Variants in FBXO28 observed in about 807,000 individuals in gnomAD.
FBXO28 encodes F-box protein 28, also known as F-box only protein 28.
In FBXO28, 8 loss-of-function variants were observed where a neutral mutation model predicts 38.1. That is an observed-to-expected ratio of 0.21 (90% confidence interval 0.12 to 0.38). The LOEUF (loss-of-function observed/expected upper bound fraction) is 0.38. Among genes scored for constraint, FBXO28 ranks in the 10% least tolerant of loss-of-function variants. The pLI is 1.00. For synonymous variants in FBXO28, 168 were observed against 173.8 expected (o/e 0.97, Z 0.26); for missense variants, 345 against 460.6 (o/e 0.75, Z 2.30).
At chr1:224,133,502 A>T (rs1474498980) in intron 2 of FBXO28, among the ~76,000 whole-genome samples, 1 of 152,124 alleles carries the variant, frequency 6.6e-6, no homozygotes, top group Non-Finnish European at 1.5e-5. Flanking sequence ...TAGATTTGAT[A>T]GCCAAAAAAC....
intron 3 of FBXO28, 169 bp downstream of exon 3, chr1:224,134,381 T>C: frequency 1.9e-6 from 1 of 525,906 alleles, no homozygotes; most frequent in Non-Finnish European, 3.2e-6. Flanking sequence ...ATTTGTATGA[T>C]CTTTATATTT....
chr1:224,150,845 C>T (rs1657625328), intron 3 of FBXO28, among the ~76,000 whole-genome samples: 1 of 152,222 alleles, frequency 6.6e-6, no homozygotes, highest in Non-Finnish European at 1.5e-5. Flanking sequence ...TGTGGCACTC[C>T]TTTAAATTAT....
chr1:224,155,993 G>T (rs1162206183), intron 4 of FBXO28, among the ~76,000 whole-genome samples: 2 of 152,206 alleles, frequency 1.3e-5, no homozygotes, highest in Non-Finnish European at 2.9e-5. Context: ...GTGTTGGCTG[G>T]TCTGATGGAA....
intron 3 of FBXO28, among the ~76,000 whole-genome samples, chr1:224,135,802 C>T (rs1013013727): frequency 3.3e-5 from 5 of 151,870 alleles, no homozygotes; most frequent in African/African-American, 1.2e-4. Flanking sequence ...TTTGGGAGGC[C>T]GAGACGGGCA....
intron 4 of FBXO28, 46 bp downstream of exon 4, chr1:224,153,383 C>T: frequency 2.1e-6 from 3 of 1,439,890 alleles, no homozygotes; most frequent in Non-Finnish European, 2.8e-6. Context: ...TTGTAACTTG[C>T]TTCCGGTTTT....
At chr1:224,151,451 A>G in intron 3 of FBXO28, among the ~76,000 whole-genome samples, 1 of 152,228 alleles carries the variant, frequency 6.6e-6, no homozygotes, top group East Asian at 1.9e-4. Flanking sequence ...TCCATTAACA[A>G]TGATCATCAT....
intron 4 of FBXO28, among the ~76,000 whole-genome samples, chr1:224,155,290 T>C (rs559438001): frequency 1.6e-4 from 25 of 152,130 alleles, no homozygotes; most frequent in African/African-American, 5.8e-4. Flanking sequence ...CTCAGCCTCC[T>C]GAGTAGCTGG....
At chr1:224,140,792 A>G (rs1191500801) in intron 3 of FBXO28, among the ~76,000 whole-genome samples, 2 of 152,024 alleles carry the variant, frequency 1.3e-5, no homozygotes, top group Non-Finnish European at 2.9e-5. Flanking sequence ...TAAAAATACA[A>G]AAAATTAGCC....
chr1:224,154,585 G>T (rs1002477095), intron 4 of FBXO28, among the ~76,000 whole-genome samples: 1 of 151,990 alleles, frequency 6.6e-6, no homozygotes, highest in Non-Finnish European at 1.5e-5. Flanking sequence ...AAGGCGGGCG[G>T]ATCACGAGGT....
chr1:224,152,147 A>G (rs956572103), intron 3 of FBXO28, among the ~76,000 whole-genome samples: 2 of 152,206 alleles, frequency 1.3e-5, no homozygotes, highest in African/African-American at 2.4e-5. Flanking sequence ...TGCCTAAGGA[A>G]GGTTCACTTA....
intron 4 of FBXO28, 96 bp downstream of exon 4, chr1:224,153,433 A>G (rs913648227): frequency 4.7e-6 from 4 of 845,748 alleles, no homozygotes; most frequent in Non-Finnish European, 7.2e-6. Context: ...CTGTGTTAGT[A>G]GTTGTTTATT....
chr1:224,134,047 T>C lies in FBXO28; in HGVS notation c.378-27T>C, dbSNP rs1390982398. On this transcript the variant is annotated intron_variant, in intron 2 of 4. Transcript: ENST00000366862. ...CCACAATACTGCTTTAATGGTTGCCTTGCTTTTATTATTATTATTATTATA... is the reference window on the plus strand; with the variant it reads ...CCACAATACTGCTTTAATGGTTGCCCTGCTTTTATTATTATTATTATTATA... 5 of 1,454,352 alleles carry C rather than the reference T, an allele frequency of 3.4e-6. No individual in the cohort carries two copies. The African/African-American group carries it at 4.4e-5, about 13-fold the overall frequency. 90.1% of individuals were successfully genotyped at this position (1,454,352 alleles called of 1,614,324 possible).
At chr1:224,117,625 T>G (rs1466386956) in intron 1 of FBXO28, among the ~76,000 whole-genome samples, 10 of 152,066 alleles carry the variant, frequency 6.6e-5, no homozygotes, top group African/African-American at 2.2e-4. Flanking sequence ...ACAGAGAAAT[T>G]TGTGCTGATG....
At chr1:224,132,124 G>T (rs184360925) in intron 2 of FBXO28, among the ~76,000 whole-genome samples, 1 of 151,958 alleles carries the variant, frequency 6.6e-6, no homozygotes, top group Non-Finnish European at 1.5e-5. Context: ...ATGGTGGCGG[G>T]TGCCTGTAAT....
chr1:224,145,513 C>T (rs1203029519), intron 3 of FBXO28, among the ~76,000 whole-genome samples: 2 of 152,018 alleles, frequency 1.3e-5, no homozygotes, highest in Non-Finnish European at 2.9e-5. Context: ...AAATACTAGG[C>T]GATGGGAATT....
intron 1 of FBXO28, among the ~76,000 whole-genome samples, chr1:224,117,160 A>T (rs1656660268): frequency 7.8e-6 from 1 of 128,084 alleles, no homozygotes; most frequent in Non-Finnish European, 1.6e-5. Flanking sequence ...ATAAAAATAA[A>T]TTGGATTTTT....
At chr1:224,135,005 C>G (rs1209870849) in intron 3 of FBXO28, among the ~76,000 whole-genome samples, 1 of 151,972 alleles carries the variant, frequency 6.6e-6, no homozygotes, top group Admixed American at 6.6e-5. Context: ...TTAATACGTA[C>G]TTTGTCCATT....
Position 224,157,499 on chromosome 1 carries a change from C to T in FBXO28, c.860C>T (p.Thr287Ile), listed in dbSNP as rs755352864. 5.0e-6 allele frequency: 8 copies of T among 1,614,106 alleles called. No individual in the cohort carries two copies. The highest frequency in any genetic ancestry group is 1.6e-4 in the Middle Eastern group (1 of 6,084). Residue 287 changes from threonine to isoleucine, a missense_variant, in exon 5 of 5, where the codon ACC becomes ATC. By Grantham distance (89) the Thr-to-Ile change is moderately conservative. Coordinates refer to ENST00000366862, the MANE Select transcript of FBXO28 (RefSeq NM_015176.4). ...VLRREISELR[T>I]KVQEQQKQLQ... ...AGGCGTGAAATTTCTGAGCTTCGCACCAAAGTGCAAGAACAGCAAAAACAG... is the reference window on the plus strand; with the variant it reads ...AGGCGTGAAATTTCTGAGCTTCGCATCAAAGTGCAAGAACAGCAAAAACAG...
At chr1:224,116,810 G>C (rs1656653205) in intron 1 of FBXO28, among the ~76,000 whole-genome samples, 1 of 152,184 alleles carries the variant, frequency 6.6e-6, no homozygotes, top group Non-Finnish European at 1.5e-5. Flanking sequence ...GTACTGTTTA[G>C]TTGATAATAG....
Sources: allele counts gnomAD v4.1 joint callset (sites outside exome capture counted in the v4.1 genomes callset), GRCh38; gene constraint gnomAD v4.1.1; transcripts MANE v1.5; gene names NCBI Gene and HGNC (gene_info 2026-07-23, HGNC 2026-07-21).